RGL3: variants seen among roughly 807,000 people sequenced by gnomAD.
The protein encoded by RGL3 is ral guanine nucleotide dissociation stimulator like 3, also known as ral guanine nucleotide dissociation stimulator-like 3.
Under a neutral mutation model 90.6 loss-of-function variants are expected in RGL3, and 85 were observed. That is an observed-to-expected ratio of 0.94 (90% CI 0.79 to 1.12). The LOEUF is 1.12. RGL3 is among the 50% of genes most tolerant of loss of function. The pLI is 0.00. For synonymous variants in RGL3, 408 were observed against 385.5 expected, an observed-to-expected ratio of 1.06 and a Z score of -0.68; for missense variants, 1,034 against 939.2, an observed-to-expected ratio of 1.10 and a Z score of -1.32.
intron 18 of RGL3, 35 bp downstream of exon 18, chr19:11,397,208 GC>G: frequency 1.9e-6 from 3 of 1,576,840 alleles, no homozygotes; most frequent in Non-Finnish European, 1.7e-6. Context: ...CCTCCCCGCT[GC>G]CCCCTATCCT....
chr19:11,397,349 G>A lies in RGL3; in HGVS notation c.1909C>T (p.Gln637Ter). 6.2e-7 allele frequency: 1 copy of A among 1,602,848 alleles called. No individual in the cohort carries two copies. The highest frequency in any genetic ancestry group is 8.5e-7 in the Non-Finnish European group (1 of 1,174,026). ...NLYRSILLTS[Q>*]DKAPSVVRRA... Reference sequence around the variant, plus strand: ...CGGACCACGCTGGGGGCTTTGTCCTGACTGGTCAGCTGGAAGAGAGGGGCG... The same window carrying A: ...CGGACCACGCTGGGGGCTTTGTCCTAACTGGTCAGCTGGAAGAGAGGGGCG... Residue 637 changes from glutamine (Q) to a stop codon, truncating the protein, a stop_gained, in exon 18 of 19, where the codon CAG becomes TAG. Coordinates refer to ENST00000380456, the MANE Select transcript of RGL3 (RefSeq NM_001035223.4). LOFTEE classifies it high-confidence loss of function.
chr19:11,394,817 C>T (rs1968536568), intron 18 of RGL3: 3 of 320,886 alleles, frequency 9.3e-6, no homozygotes, highest in African/African-American at 4.3e-5. Context: ...TGGCCGGGCG[C>T]GATGCCTCGT....
intron 5 of RGL3, 21 bp from the exon 6 acceptor site, chr19:11,406,885 C>G: frequency 6.2e-7 from 1 of 1,605,096 alleles, no homozygotes; most frequent in Non-Finnish European, 8.5e-7. Context: ...GAAAGGGTTA[C>G]AAACTCTCAA....
Position 11,397,459 on chromosome 19 carries a change from A to C in RGL3, c.1885T>G (p.Tyr629Asp), listed in dbSNP as rs1470065636. 6.2e-7 allele frequency: 1 copy of C among 1,610,084 alleles called. No homozygotes were observed. Among genetic ancestry groups the C allele is most frequent in the East Asian group, 2.2e-5 (1 of 44,812 alleles). The stretch of plus-strand genomic sequence containing the variant: ...CAGCCCCTCACCAAGATGCTTCGAT[A>C]CAGGTTCCCGTGGTCATTGTCGATG... The part of the protein sequence containing the change: ...VSIDNDHGNL[Y>D]RSILLTSQDK... The change falls in exon 17 of 19, where the codon TAT (tyrosine) becomes GAT (aspartate). Residue 629 changes from tyrosine (Y) to aspartate (D), a missense_variant. Transcript: ENST00000380456.
chr19:11,416,457 C>A lies in RGL3; in HGVS notation c.425+157G>T. On this transcript the variant is annotated intron_variant, in intron 4 of 18. Transcript: ENST00000380456. The stretch of plus-strand genomic sequence containing the variant: ...CCAGTGATCCACCTGCCTCGGCCTC[C>A]CAAAGTGTTGGGATTACAGGCATGA... 1.3e-6 allele frequency: 1 copy of A among 788,422 alleles called. No individual in the cohort carries two copies. Among genetic ancestry groups the A allele is most frequent in the South Asian group, 1.5e-5 (1 of 66,608 alleles). 48.8% of individuals were successfully genotyped at this position (788,422 alleles called of 1,614,324 possible). A position where few individuals can be genotyped will look rare whatever the true frequency, so the allele number is the denominator to read the frequency against.
chr19:11,410,492 G>A (rs1968855972), intron 5 of RGL3, among the ~76,000 whole-genome samples: 1 of 151,912 alleles, frequency 6.6e-6, no homozygotes, highest in African/African-American at 2.4e-5. Flanking sequence ...GACCAGCCTG[G>A]GCGGCGTAGT....
chr19:11,410,267 C>T (rs1470748218), intron 5 of RGL3, among the ~76,000 whole-genome samples: 1 of 151,786 alleles, frequency 6.6e-6, no homozygotes, highest in Non-Finnish European at 1.5e-5. Context: ...TCCCAACGTG[C>T]TGGGATTACA....
chr19:11,414,398 T>C (rs2144738864), intron 5 of RGL3, among the ~76,000 whole-genome samples: 1 of 123,996 alleles, frequency 8.1e-6, no homozygotes, highest in East Asian at 2.1e-4. Context: ...TTTATATATA[T>C]ACCTTTATAT....
At chr19:11,396,152 ATATATATTTTTTTTTT>A (rs1384561565) in intron 18 of RGL3, among the ~76,000 whole-genome samples, 5 of 66,914 alleles carry the variant, frequency 7.5e-5, no homozygotes, top group African/African-American at 3.5e-4. Flanking sequence ...ATATATATAT[ATATATATTTTTTTTTT>A]TTTTTTTTTT....
At chr19:11,404,012 G>A (rs1968726088) in intron 9 of RGL3, among the ~76,000 whole-genome samples, 1 of 152,136 alleles carries the variant, frequency 6.6e-6, no homozygotes, top group Non-Finnish European at 1.5e-5. Flanking sequence ...CTCCTGAATA[G>A]CTGGGACTAC....
At chr19:11,414,865 A>C (rs1346612212) in intron 5 of RGL3, among the ~76,000 whole-genome samples, 2 of 152,034 alleles carry the variant, frequency 1.3e-5, no homozygotes, top group Non-Finnish European at 2.9e-5. Flanking sequence ...ACGCATGCAC[A>C]ATGGCTTATG....
rs1968638281 is a variant in RGL3, at chr19:11,399,747, T to G, written c.1746+108A>C. 3 of 628,118 alleles carry G rather than the reference T, an allele frequency of 4.8e-6. No individual in the cohort carries two copies. In the South Asian group the frequency reaches 8.2e-5, roughly 17 times the overall value. 38.9% of individuals were successfully genotyped at this position (628,118 alleles called of 1,614,324 possible). The stretch of plus-strand genomic sequence containing the variant: ...CGCTCAGTGTGCCTCCTGTATACAC[T>G]CCTGGCCCCACAATCCTGTGTGTAC... On this transcript the variant is annotated intron_variant, in intron 16 of 18. Coordinates refer to ENST00000380456, the MANE Select transcript of RGL3 (RefSeq NM_001035223.4).
chr19:11,405,110 C>G, intron 9 of RGL3, 37 bp downstream of exon 9: 3 of 1,579,050 alleles, frequency 1.9e-6, no homozygotes, highest in Non-Finnish European at 8.7e-7. Flanking sequence ...CCCGACTTCC[C>G]GGGCCTAAAA....
At chr19:11,407,012 G>T in intron 5 of RGL3, 148 bp from the exon 6 acceptor site, 5 of 709,262 alleles carry the variant, frequency 7.0e-6, no homozygotes, top group East Asian at 2.8e-5. Context: ...TTTTGAGACA[G>T]TCTTACTCTG....
chr19:11,418,552 G>C, intron 2 of RGL3, 119 bp downstream of exon 2: 1 of 702,862 alleles, frequency 1.4e-6, no homozygotes, highest in Non-Finnish European at 2.2e-6. Flanking sequence ...TCATCTGGTC[G>C]CCTCCGAGCC....
In RGL3 at chr19:11,400,097, C is replaced by A; in HGVS notation, c.1592G>T (p.Arg531Leu). Residue 531 changes from arginine (R) to leucine (L), a missense_variant, in exon 15 of 19, where the codon CGA (arginine) becomes CTA (leucine). Physicochemically the swap from Arg to Leu is moderately radical, Grantham distance 102. Coordinates refer to ENST00000380456, the MANE Select transcript of RGL3 (RefSeq NM_001035223.4). Reference sequence around the variant, plus strand: ...CCCACTAGGTGATGAGCTTTTCTCTCGGGCAAGCTTCCTAAGGATGGGGAC... The same window carrying A: ...CCCACTAGGTGATGAGCTTTTCTCTAGGGCAAGCTTCCTAAGGATGGGGAC... Reference protein sequence around the residue: ...LTKRLSAKLAREKSSSPSGSP... With the variant: ...LTKRLSAKLALEKSSSPSGSP... The A allele has an allele frequency of 6.2e-6, 10 of 1,608,918 alleles. No homozygotes were observed. Among genetic ancestry groups the A allele is most frequent in the Non-Finnish European group, 8.5e-6 (10 of 1,177,862 alleles).
At chr19:11,403,103 C>T (rs148646885) in intron 9 of RGL3, among the ~76,000 whole-genome samples, 3,556 of 151,018 alleles carry the variant, frequency 0.024, 132 homozygotes, top group African/African-American at 0.081. Context: ...GGCGCGATCT[C>T]GGCTCACTGC....
At chr19:11,404,959 C>G (rs1968743248) in intron 9 of RGL3, among the ~76,000 whole-genome samples, 188 bp downstream of exon 9, 1 of 152,078 alleles carries the variant, frequency 6.6e-6, no homozygotes, top group South Asian at 2.1e-4. Flanking sequence ...CACTGACAGT[C>G]AACTATAACG....
chr19:11,408,463 G>A (rs1013922158), intron 5 of RGL3, among the ~76,000 whole-genome samples: 1 of 152,060 alleles, frequency 6.6e-6, no homozygotes, highest in Non-Finnish European at 1.5e-5. Context: ...GCACGCGCCT[G>A]TAATCCCAGC....
Sources: allele counts gnomAD v4.1 joint callset (sites outside exome capture counted in the v4.1 genomes callset), GRCh38; gene constraint gnomAD v4.1.1; transcripts MANE v1.5; gene names NCBI Gene and HGNC (gene_info 2026-07-23, HGNC 2026-07-21).